ASPH: variants seen among roughly 807,000 people sequenced by gnomAD.
The protein encoded by ASPH is aspartyl/asparaginyl beta-hydroxylase.
A neutral mutation model predicts 118.4 loss-of-function variants in ASPH; 100 were observed. The observed-to-expected ratio is 0.84, with a 90% CI of 0.72 to 1.00. The LOEUF (loss-of-function observed/expected upper bound fraction) is 1.00. Ranked by LOEUF, ASPH falls within the 50% of genes least tolerant of loss-of-function variation. The pLI, the probability that ASPH is intolerant of heterozygous loss-of-function variation, is 0.00. For synonymous variants in ASPH, 315 were observed against 325.6 expected (o/e 0.97, Z 0.35); for missense variants, 920 against 919.5 (o/e 1.00, Z -0.01).
chr8:61,534,364 A>G (rs1394435966), intron 21 of ASPH, among the ~76,000 whole-genome samples: 1 of 152,230 alleles, frequency 6.6e-6, no homozygotes, highest in African/African-American at 2.4e-5. Context: ...TGATGCTTAG[A>G]AAGAAAATCC....
chr8:61,688,827 T>C (rs548671484), intron 1 of ASPH, among the ~76,000 whole-genome samples: 3 of 152,340 alleles, frequency 2.0e-5, no homozygotes, highest in South Asian at 2.1e-4. Context: ...AAAAGTCAGA[T>C]ACATATCTCA....
intron 22 of ASPH, among the ~76,000 whole-genome samples, chr8:61,518,756 C>T (rs1811846268): frequency 6.6e-6 from 1 of 152,132 alleles, no homozygotes; most frequent in Non-Finnish European, 1.5e-5. Flanking sequence ...CAGGTACAGA[C>T]CTTAATCTAC....
At chr8:61,609,757 A>T (rs1207311794) in intron 14 of ASPH, among the ~76,000 whole-genome samples, 1 of 152,190 alleles carries the variant, frequency 6.6e-6, no homozygotes, top group Non-Finnish European at 1.5e-5. Context: ...GAAAAGTGCT[A>T]TGGGGAAGAG....
chr8:61,625,928 T>C, intron 13 of ASPH: 6 of 1,075,296 alleles, frequency 5.6e-6, no homozygotes, highest in Non-Finnish European at 6.7e-6. Flanking sequence ...TGCTGCTACA[T>C]CACCAATATA....
chr8:61,680,845 T>C (rs924866178), intron 3 of ASPH, 123 bp downstream of exon 3: 6 of 686,246 alleles, frequency 8.7e-6, no homozygotes, highest in Non-Finnish European at 1.3e-5. Flanking sequence ...TAATGAAATA[T>C]ATGATTTAAG....
chr8:61,699,300 T>C (rs12682376), intron 1 of ASPH, among the ~76,000 whole-genome samples: 3,843 of 152,336 alleles, frequency 0.025, 147 homozygotes, highest in South Asian at 0.19. Flanking sequence ...TTCACAACTT[T>C]GCCAAAAGCT....
At chr8:61,573,135 C>T (rs562319807) in intron 16 of ASPH, among the ~76,000 whole-genome samples, 8 of 152,208 alleles carry the variant, frequency 5.3e-5, no homozygotes, top group African/African-American at 1.9e-4. Flanking sequence ...GAATTCAACA[C>T]CTAGGAATAC....
chr8:61,658,545 T>C (rs763270637), intron 3 of ASPH: 1 of 152,180 alleles, frequency 6.6e-6, no homozygotes, highest in Admixed American at 6.5e-5. Context: ...TATCTCAGTG[T>C]TAACCACAGC....
intron 14 of ASPH, among the ~76,000 whole-genome samples, chr8:61,601,712 C>T (rs571967217): frequency 6.6e-6 from 1 of 151,198 alleles, no homozygotes; most frequent in Non-Finnish European, 1.5e-5. Flanking sequence ...GAGAAGTTAA[C>T]TAAAATTGAT....
chr8:61,689,936 A>C, intron 1 of ASPH: 1 of 1,007,904 alleles, frequency 9.9e-7, no homozygotes, highest in Non-Finnish European at 1.3e-6. Flanking sequence ...GCACTCCCTA[A>C]CAACACCACA....
At chr8:61,665,521 CTT>C (rs1819124117) in intron 3 of ASPH, 4 of 1,570,420 alleles carry the variant, frequency 2.5e-6, no homozygotes, top group Non-Finnish European at 3.5e-6. Context: ...CTTTCTTCCC[CTT>C]TTTTCTCTCT....
intron 13 of ASPH, among the ~76,000 whole-genome samples, chr8:61,619,451 T>C (rs1039183388): frequency 2.0e-5 from 3 of 152,200 alleles, no homozygotes; most frequent in African/African-American, 7.2e-5. Context: ...GAATGCAGCA[T>C]GTCACACTGC....
intron 14 of ASPH, among the ~76,000 whole-genome samples, chr8:61,602,307 A>G (rs1366254105): frequency 6.6e-6 from 1 of 151,508 alleles, no homozygotes; most frequent in Non-Finnish European, 1.5e-5. Context: ...TTTAACATCT[A>G]GAATTAATCA....
chr8:61,566,217 G>C (rs1458308882), intron 17 of ASPH, among the ~76,000 whole-genome samples: 1 of 152,120 alleles, frequency 6.6e-6, no homozygotes, highest in African/African-American at 2.4e-5. Context: ...GGAGTTTGGG[G>C]AGGAAGTTGC....
intron 1 of ASPH, among the ~76,000 whole-genome samples, chr8:61,707,183 G>A (rs575462255): frequency 6.6e-6 from 1 of 151,842 alleles, no homozygotes; most frequent in South Asian, 2.1e-4. Context: ...GAAAATGTGA[G>A]TAAACACAGA....
intron 13 of ASPH, among the ~76,000 whole-genome samples, chr8:61,632,249 A>G (rs1169410578): frequency 1.3e-5 from 2 of 152,230 alleles, no homozygotes; most frequent in East Asian, 3.8e-4. Flanking sequence ...CAGTTATAAA[A>G]TGTTAAAAGT....
At chr8:61,714,004 C>T (rs914342258) in intron 1 of ASPH, among the ~76,000 whole-genome samples, 1 of 152,258 alleles carries the variant, frequency 6.6e-6, no homozygotes, top group Non-Finnish European at 1.5e-5. Flanking sequence ...GTCTCGGCTG[C>T]GCCCTGCAGG....
Position 61,714,452 on chromosome 8 carries a change from G to A in ASPH, c.-81C>T. On this transcript the variant is annotated 5_prime_UTR_variant, in exon 1 of 25. Coordinates refer to ENST00000379454, the MANE Select transcript of ASPH (RefSeq NM_004318.4). The stretch of plus-strand genomic sequence containing the variant: ...TACACACGCGACGCGGGAACCGCTG[G>A]CGGCGGCGGGCCGCTGGAGCGGGTT... The A allele has an allele frequency of 1.5e-6, 2 of 1,356,198 alleles. No homozygotes were observed. Among genetic ancestry groups the A allele is most frequent in the Non-Finnish European group, 1.9e-6 (2 of 1,054,532 alleles). The allele number at this position is 1,356,198 out of a possible 1,614,324, so 84.0% of individuals were successfully genotyped here.
At chr8:61,644,735 A>G in intron 6 of ASPH, 103 bp from the exon 7 acceptor site, 1 of 809,890 alleles carries the variant, frequency 1.2e-6, no homozygotes, top group East Asian at 3.4e-5. Context: ...AATTTTATTT[A>G]AAAAATTAAA....
Sources: gnomAD v4.1 joint callset for allele counts (sites outside exome capture counted in the v4.1 genomes callset) on GRCh38, gnomAD v4.1.1 for gene constraint, MANE v1.5 for transcripts, NCBI Gene and HGNC (gene_info 2026-07-23, HGNC 2026-07-21) for gene names.